ANKS1B: variants seen among roughly 807,000 people sequenced by gnomAD.
ANKS1B encodes the protein ankyrin repeat and sterile alpha motif domain-containing protein 1B.
In ANKS1B, 36 loss-of-function variants were observed where a neutral mutation model predicts 148.3. The observed-to-expected ratio is 0.24, with a 90% CI of 0.19 to 0.32. The LOEUF is 0.32. Ranked by LOEUF, ANKS1B falls within the 10% of genes least tolerant of loss-of-function variation. The pLI, the probability that ANKS1B is intolerant of heterozygous loss-of-function variation, is 1.00. For synonymous variants in ANKS1B, 542 were observed against 560.8 expected (o/e 0.97, Z 0.47); for missense variants, 1,157 against 1,542.6 (o/e 0.75, Z 4.19).
At chr12:99,504,801 A>G (rs1175284611) in intron 9 of ANKS1B, among the ~76,000 whole-genome samples, 160 bp from the exon 10 acceptor site, 2 of 152,134 alleles carry the variant, frequency 1.3e-5, no homozygotes, top group African/African-American at 4.8e-5. Context: ...TGTAAACCCA[A>G]TATCAGTGAT....
chr12:99,673,028 A>G (rs2098545732), intron 8 of ANKS1B, among the ~76,000 whole-genome samples: 1 of 152,124 alleles, frequency 6.6e-6, no homozygotes, highest in Admixed American at 6.6e-5. Flanking sequence ...GGAGACATTC[A>G]CCAAAATCCA....
At position 99,812,364 on chromosome 12, in the gene ANKS1B, T is replaced by C; in HGVS notation, c.216-53A>G. The C allele has an allele frequency of 2.0e-6, 3 of 1,533,164 alleles. No individual in the cohort carries two copies. In the South Asian group the frequency reaches 3.7e-5, roughly 19 times the overall value. The allele number at this position is 1,533,164 out of a possible 1,614,324, so 95.0% of individuals were successfully genotyped here. A position where few individuals can be genotyped will look rare whatever the true frequency, so the allele number is the denominator to read the frequency against. On this transcript the variant is annotated intron_variant, in intron 2 of 26. Coordinates refer to ENST00000683438, the MANE Select transcript of ANKS1B (RefSeq NM_001352186.2). ...AATAGGCTGAGCAAGACAAACTGTA[T>C]TAAATAGGTAATTTTAAAAGAATAC...
chr12:98,773,446 G>A (rs1242301642), intron 24 of ANKS1B, among the ~76,000 whole-genome samples: 1 of 152,102 alleles, frequency 6.6e-6, no homozygotes, highest in Non-Finnish European at 1.5e-5. Context: ...CAGTCTGGGT[G>A]GCGGCCACTT....
At chr12:99,554,977 G>A (rs1476133803) in intron 9 of ANKS1B, among the ~76,000 whole-genome samples, 1 of 152,062 alleles carries the variant, frequency 6.6e-6, no homozygotes. Context: ...GTGTTAGTTT[G>A]CTTAGGAGAA....
At chr12:99,118,767 C>T (rs527749798) in intron 15 of ANKS1B, among the ~76,000 whole-genome samples, 5 of 152,168 alleles carry the variant, frequency 3.3e-5, no homozygotes, top group East Asian at 3.9e-4. Context: ...TGACTGCAGG[C>T]GACTTTAACA....
At chr12:99,006,687 T>C (rs1209857855) in intron 17 of ANKS1B, among the ~76,000 whole-genome samples, 2 of 152,184 alleles carry the variant, frequency 1.3e-5, no homozygotes, top group Non-Finnish European at 2.9e-5. Flanking sequence ...GGATGTCAAA[T>C]TGGCTTTGAG....
chr12:99,480,903 T>C (rs547107691), intron 10 of ANKS1B, among the ~76,000 whole-genome samples: 9 of 151,866 alleles, frequency 5.9e-5, no homozygotes, highest in Admixed American at 5.3e-4. Flanking sequence ...ATTTTATAGC[T>C]GGCAAAAATT....
At chr12:99,342,927 G>T (rs2090143517) in intron 12 of ANKS1B, among the ~76,000 whole-genome samples, 1 of 151,776 alleles carries the variant, frequency 6.6e-6, no homozygotes, top group Admixed American at 6.6e-5. Flanking sequence ...AAAACAATAA[G>T]TGTACAGAAT....
intron 15 of ANKS1B, among the ~76,000 whole-genome samples, chr12:99,121,000 T>C (rs1173766021): frequency 6.6e-6 from 1 of 152,114 alleles, no homozygotes; most frequent in Non-Finnish European, 1.5e-5. Context: ...CTAACCTAAT[T>C]TGAGATTTAA....
intron 17 of ANKS1B, among the ~76,000 whole-genome samples, chr12:98,890,611 C>T (rs2099750566): frequency 6.6e-6 from 1 of 152,210 alleles, no homozygotes; most frequent in Non-Finnish European, 1.5e-5. Context: ...CAACACAAAA[C>T]ATACCACTTG....
intron 4 of ANKS1B, among the ~76,000 whole-genome samples, chr12:99,786,458 ACT>A (rs945192061): frequency 1.3e-5 from 2 of 152,192 alleles, no homozygotes; most frequent in African/African-American, 4.8e-5. Flanking sequence ...CCCCTACAAA[ACT>A]CTAAAACTTC....
intron 17 of ANKS1B, chr12:98,895,208 TG>T (rs2099762403): frequency 2.0e-6 from 2 of 984,800 alleles, no homozygotes; most frequent in Non-Finnish European, 1.2e-6. Flanking sequence ...CGCCTAGCAC[TG>T]GGGGTTGCCG....
At chr12:99,276,369 T>A (rs2077670975) in intron 12 of ANKS1B, among the ~76,000 whole-genome samples, 1 of 152,194 alleles carries the variant, frequency 6.6e-6, no homozygotes, top group Non-Finnish European at 1.5e-5. Flanking sequence ...ATATAGGCCC[T>A]TTAAAGTGAT....
chr12:98,972,001 C>G (rs554499678), intron 17 of ANKS1B, among the ~76,000 whole-genome samples: 5 of 152,230 alleles, frequency 3.3e-5, no homozygotes, highest in African/African-American at 1.2e-4. Context: ...AACCCCGTCT[C>G]TACTAAAAAT....
chr12:99,287,833 A>C (rs1436969580), intron 12 of ANKS1B, among the ~76,000 whole-genome samples: 1 of 152,214 alleles, frequency 6.6e-6, no homozygotes, highest in Non-Finnish European at 1.5e-5. Context: ...ACTGAGCTTG[A>C]AGACAGGCTA....
chr12:99,569,562 T>C (rs937370279), intron 9 of ANKS1B, among the ~76,000 whole-genome samples: 2 of 152,324 alleles, frequency 1.3e-5, no homozygotes, highest in South Asian at 4.1e-4. Flanking sequence ...ATGTTTGTAG[T>C]GGATGCTCTG....
chr12:99,118,121 A>G (rs1174515766), intron 15 of ANKS1B, among the ~76,000 whole-genome samples: 3 of 152,256 alleles, frequency 2.0e-5, no homozygotes, highest in Non-Finnish European at 4.4e-5. Context: ...CAATCTTTGC[A>G]GAGAAAATCC....
chr12:99,541,904 G>C (rs2097130159), intron 9 of ANKS1B, among the ~76,000 whole-genome samples: 1 of 151,278 alleles, frequency 6.6e-6, no homozygotes, highest in Non-Finnish European at 1.5e-5. Context: ...CAACAAACTA[G>C]AAAGAATGAG....
chr12:99,316,930 C>T (rs1332755806), intron 12 of ANKS1B, among the ~76,000 whole-genome samples: 1 of 152,120 alleles, frequency 6.6e-6, no homozygotes, highest in African/African-American at 2.4e-5. Flanking sequence ...ATAGGGAATC[C>T]TTTCCCCATT....
Sources: gnomAD v4.1 joint callset for allele counts (sites outside exome capture counted in the v4.1 genomes callset) on GRCh38, gnomAD v4.1.1 for gene constraint, MANE v1.5 for transcripts, NCBI Gene and HGNC (gene_info 2026-07-23, HGNC 2026-07-21) for gene names.